The following TAF15 variants were observed in gnomAD, a reference collection of about 807,000 sequenced individuals.
TAF15 encodes the protein TATA-box binding protein associated factor 15, also known as TATA-binding protein-associated factor 2N.
In TAF15, 37 loss-of-function variants were observed where a neutral mutation model predicts 102.5. That is an observed-to-expected ratio of 0.36 (90% CI 0.28 to 0.47). The LOEUF (loss-of-function observed/expected upper bound fraction) is 0.47, where lower values mean the gene tolerates loss of function less well. TAF15 is among the 20% of genes least tolerant of loss of function. The pLI, the probability that TAF15 is intolerant of heterozygous loss-of-function variation, is 0.99. For missense variants in TAF15, 652 were observed against 760.7 expected (o/e 0.86, Z 1.68); for synonymous variants, 273 against 259.2 (o/e 1.05, Z -0.51).
intron 14 of TAF15, 26 bp downstream of exon 14, chr17:35,844,394 G>T: frequency 6.2e-7 from 1 of 1,612,478 alleles, no homozygotes; most frequent in Non-Finnish European, 8.5e-7. Context: ...AATAGCATCT[G>T]CATCGTGCTT....
chr17:35,824,337 G>A (rs1356308182), intron 7 of TAF15, 139 bp downstream of exon 7: 24 of 1,170,568 alleles, frequency 2.1e-5, no homozygotes, highest in East Asian at 7.6e-5. Flanking sequence ...GGAGAAAAAG[G>A]CAGAAATTAA....
intron 1 of TAF15, among the ~76,000 whole-genome samples, chr17:35,812,081 A>G (rs1336399435): frequency 6.6e-6 from 1 of 152,140 alleles, no homozygotes; most frequent in Non-Finnish European, 1.5e-5. Context: ...CGGACCATTA[A>G]CGCCAGGTAA....
chr17:35,828,288 A>C (rs947107911), intron 7 of TAF15, among the ~76,000 whole-genome samples: 2 of 152,230 alleles, frequency 1.3e-5, no homozygotes, highest in African/African-American at 4.8e-5. Flanking sequence ...GCATTGCCCA[A>C]TAGAAATACA....
chr17:35,833,807 C>G, intron 7 of TAF15, 100 bp from the exon 8 acceptor site: 2 of 1,225,588 alleles, frequency 1.6e-6, no homozygotes, highest in East Asian at 2.4e-5. Context: ...TACTGTTTTC[C>G]TAAGCACTCT....
At chr17:35,839,941 G>A (rs932582000) in intron 11 of TAF15, among the ~76,000 whole-genome samples, 11 of 152,042 alleles carry the variant, frequency 7.2e-5, no homozygotes, top group Non-Finnish European at 1.5e-4. Context: ...CATGTTTACT[G>A]AGGTTTATGA....
chr17:35,816,486 TAAAAA>T (rs1476400137), intron 1 of TAF15, among the ~76,000 whole-genome samples: 2 of 152,190 alleles, frequency 1.3e-5, no homozygotes, highest in Non-Finnish European at 2.9e-5. Flanking sequence ...GTTCATCTCT[TAAAAA>T]GAAGAAAGAA....
Position 35,839,963 on chromosome 17 carries a change from C to T in TAF15, c.913+1410C>T, listed in dbSNP as rs555131136. Among the ~76,000 whole-genome samples, 21 of 152,218 alleles carry T rather than the reference C, an allele frequency of 1.4e-4. No individual in the cohort carries two copies. The South Asian group carries it at 3.7e-3, about 27-fold the overall frequency. On this transcript the variant is annotated intron_variant, in intron 11 of 15. Transcript: ENST00000605844. ...ACTGAGGTTTATGAGCTAAGCACAA[C>T]TTTAAGAGCCTTACACGCATTAACT...
chr17:35,847,015 T>G lies in TAF15; in HGVS notation c.*70T>G. The G allele has an allele frequency of 6.4e-7, 1 of 1,554,518 alleles. No homozygotes were observed. Among genetic ancestry groups the G allele is most frequent in the Non-Finnish European group, 8.9e-7 (1 of 1,125,858 alleles). ...AAATTGCCAGAGTTTTGCCTGCTGC[T>G]TTCCTCGTGGCCTCTTCTTGGGTAG... On this transcript the variant is annotated 3_prime_UTR_variant, in exon 16 of 16. Transcript: ENST00000605844.
chr17:35,816,292 T>G (rs955305774), intron 1 of TAF15, among the ~76,000 whole-genome samples: 7 of 152,234 alleles, frequency 4.6e-5, no homozygotes, highest in Non-Finnish European at 1.0e-4. Flanking sequence ...TAAGGACATA[T>G]TGTATAATTA....
rs577142896 is a variant in TAF15, at chr17:35,815,384, A to G, written c.8-2332A>G. Among the ~76,000 whole-genome samples, 207 of 152,338 alleles carry G rather than the reference A, an allele frequency of 1.4e-3. 2 individuals carry two copies. The highest frequency in any genetic ancestry group is 1.2e-3 in the Non-Finnish European group (79 of 68,028). Reference sequence around the variant, plus strand: ...TAAAACACCTGCACTTTATCACTCAAGGATTTATACCAAGGGACAGATTTA... The same window carrying G: ...TAAAACACCTGCACTTTATCACTCAGGGATTTATACCAAGGGACAGATTTA... On this transcript the variant is annotated intron_variant, in intron 1 of 15. Coordinates refer to ENST00000605844, the MANE Select transcript of TAF15 (RefSeq NM_139215.3).
chr17:35,827,060 C>T (rs1340415228), intron 7 of TAF15, among the ~76,000 whole-genome samples: 1 of 151,874 alleles, frequency 6.6e-6, no homozygotes, highest in Non-Finnish European at 1.5e-5. Flanking sequence ...CATTAGTCTT[C>T]ATCAACACTC....
At chr17:35,828,934 G>A (rs939993972) in intron 7 of TAF15, among the ~76,000 whole-genome samples, 1 of 152,186 alleles carries the variant, frequency 6.6e-6, no homozygotes, top group African/African-American at 2.4e-5. Context: ...GTATTGGACA[G>A]TGCAGCTCTA....
At chr17:35,809,776 G>T (rs1380997378) in intron 1 of TAF15, 200 bp downstream of exon 1, 3 of 699,816 alleles carry the variant, frequency 4.3e-6, no homozygotes, top group African/African-American at 1.8e-5. Flanking sequence ...AAATCACGGC[G>T]GGAGCGCCTC....
At chr17:35,809,701 G>C in intron 1 of TAF15, 125 bp downstream of exon 1, 3 of 1,359,636 alleles carry the variant, frequency 2.2e-6, no homozygotes, top group Non-Finnish European at 3.1e-6. Context: ...TGGGGTGGGG[G>C]GGCGGCCGCT....
rs1009969002 is a variant in TAF15, at chr17:35,834,980, G to A, written c.673+382G>A. Among the ~76,000 whole-genome samples the A allele has an allele frequency of 3.9e-5, 6 of 151,928 alleles. No individual in the cohort carries two copies. The South Asian group carries it at 1.0e-3, about 26-fold the overall frequency. ...AGGCTGGTCTTGAACTCCTGACCTC[G>A]AGATCCGCCTGTCTCAGCCTCCCAC... On this transcript the variant is annotated intron_variant, in intron 9 of 15. Coordinates refer to ENST00000605844, the MANE Select transcript of TAF15 (RefSeq NM_139215.3).
chr17:35,836,254 AT>A lies in TAF15; in HGVS notation c.783+15del, dbSNP rs749803561. 2 of 1,516,980 alleles carry A rather than the reference AT, an allele frequency of 1.3e-6. No homozygotes were observed. The highest frequency in any genetic ancestry group is 1.8e-6 in the Non-Finnish European group (2 of 1,092,634). 94.0% of individuals were successfully genotyped at this position (1,516,980 alleles called of 1,614,324 possible). Reference sequence around the variant, plus strand: ...AGGAATTATCAAGGTGAGTAAAAATATTATATGTTGAAAATCTCATAATTAA... The same window carrying A: ...AGGAATTATCAAGGTGAGTAAAAATATATATGTTGAAAATCTCATAATTAA... On this transcript the variant is annotated intron_variant, in intron 10 of 15. Transcript: ENST00000605844.
At position 35,844,639 on chromosome 17, in the gene TAF15, G is replaced by C; in HGVS notation, c.1340G>C (p.Gly447Ala). Residue 447 changes from glycine (G) to alanine (A), a missense_variant, in exon 15 of 16, where the codon GGT (glycine) becomes GCT (alanine). By Grantham distance (60) the Gly-to-Ala change is moderately conservative. This residue lies in a region of TAF15 where 368 missense variants were observed against 367.5 expected (regional missense o/e 1.00). Coordinates refer to ENST00000605844, the MANE Select transcript of TAF15 (RefSeq NM_139215.3). ...GGAGATAGAAGTGGGGGCGGCTATG[G>C]TGGAGACAGAAGTGGGGGTGGCTAT... ...YSGDRSGGGY[G>A]GDRSGGGYGG... is the part of the protein sequence containing the mutation. 1 of 1,602,468 alleles carries C rather than the reference G, an allele frequency of 6.2e-7. No homozygotes were observed. Among genetic ancestry groups the C allele is most frequent in the Non-Finnish European group, 8.5e-7 (1 of 1,173,134 alleles).
intron 11 of TAF15, among the ~76,000 whole-genome samples, chr17:35,839,370 CTTTTTTTTTTTTTTTTTTT>C (rs562461506): frequency 2.7e-4 from 14 of 52,416 alleles, no homozygotes; most frequent in African/African-American, 3.6e-4. Flanking sequence ...AAGAAATAGA[CTTTTTTTTTTTTTTTTTTT>C]TTTTTTTTTT....
Position 35,809,484 on chromosome 17 carries a change from A to C in TAF15, c.-86A>C, listed in dbSNP as rs1469988615. 5 of 1,589,008 alleles carry C rather than the reference A, an allele frequency of 3.1e-6. No homozygotes were observed. The East Asian group carries it at 9.0e-5, about 29-fold the overall frequency. Reference sequence around the variant, plus strand: ...CGCCTCAGCCCGCCGCGCCGCCCTCAGTACAGCTCCGGCCGCCGCGCCGCC... The same window carrying C: ...CGCCTCAGCCCGCCGCGCCGCCCTCCGTACAGCTCCGGCCGCCGCGCCGCC... On this transcript the variant is annotated 5_prime_UTR_variant, in exon 1 of 16. Transcript: ENST00000605844.
Sources: gnomAD v4.1 joint callset for allele counts (sites outside exome capture counted in the v4.1 genomes callset) on GRCh38, gnomAD v4.1.1 for gene constraint, gnomAD v4.1.1 regional missense constraint, MANE v1.5 for transcripts, NCBI Gene and HGNC (gene_info 2026-07-23, HGNC 2026-07-21) for gene names.